DOCK1: variants seen among roughly 807,000 people sequenced by gnomAD.
DOCK1 encodes the protein dedicator of cytokinesis protein 1.
A neutral mutation model predicts 262.7 loss-of-function variants in DOCK1; 138 were observed. The observed-to-expected ratio is 0.53, with a 90% CI of 0.46 to 0.61. The LOEUF (loss-of-function observed/expected upper bound fraction) is 0.61. DOCK1 is among the 20% of genes least tolerant of loss of function. DOCK1 has a pLI of 0.00. For missense variants in DOCK1, 1,908 were observed against 2,370.7 expected (o/e 0.80, Z 4.05); for synonymous variants, 866 against 867.4 (o/e 1.00, Z 0.03).
At chr10:127,250,056 A>C (rs2059572783) in intron 28 of DOCK1, among the ~76,000 whole-genome samples, 1 of 152,052 alleles carries the variant, frequency 6.6e-6, no homozygotes, top group Admixed American at 6.6e-5. Context: ...ACTACACCCG[A>C]CCCCCTGCTT....
At chr10:127,122,645 T>A (rs76320910) in intron 25 of DOCK1, among the ~76,000 whole-genome samples, 2 of 151,232 alleles carry the variant, frequency 1.3e-5, no homozygotes, top group African/African-American at 4.9e-5. Context: ...TTTTTTTTTT[T>A]ACATCTTCTT....
chr10:127,068,955 C>G (rs1295618581), intron 23 of DOCK1, among the ~76,000 whole-genome samples: 5 of 152,174 alleles, frequency 3.3e-5, no homozygotes, highest in African/African-American at 1.2e-4. Context: ...GGGCACATAG[C>G]TGGTTTCTAG....
At chr10:127,080,830 C>T (rs1384615791) in intron 23 of DOCK1, among the ~76,000 whole-genome samples, 1 of 152,080 alleles carries the variant, frequency 6.6e-6, no homozygotes, top group Non-Finnish European at 1.5e-5. Flanking sequence ...TTGTCATAAG[C>T]GAGGGCCGAG....
intron 1 of DOCK1, among the ~76,000 whole-genome samples, chr10:126,967,764 T>A (rs1054484043): frequency 5.9e-5 from 9 of 152,150 alleles, no homozygotes; most frequent in African/African-American, 1.9e-4. Context: ...TGTGATTACA[T>A]TGGGCCCACC....
intron 29 of DOCK1, among the ~76,000 whole-genome samples, chr10:127,262,965 A>G (rs1590188059): frequency 6.6e-6 from 1 of 151,838 alleles, no homozygotes; most frequent in African/African-American, 2.4e-5. Context: ...CCAAAATTTA[A>G]CCCCAGAGCA....
chr10:127,439,269 G>C, intron 49 of DOCK1, 44 bp downstream of exon 49: 1 of 1,567,254 alleles, frequency 6.4e-7, no homozygotes, highest in Non-Finnish European at 8.7e-7. Flanking sequence ...GTAGCTTCAG[G>C]GACCTACCTT....
intron 10 of DOCK1, among the ~76,000 whole-genome samples, chr10:127,004,777 C>G (rs1565053560): frequency 1.2e-4 from 16 of 132,424 alleles, no homozygotes; most frequent in African/African-American, 4.4e-4. Context: ...CCGCCACCCC[C>G]CCGCCCCAAA....
intron 12 of DOCK1, among the ~76,000 whole-genome samples, chr10:127,018,364 T>C (rs1044533688): frequency 5.9e-5 from 9 of 152,200 alleles, no homozygotes; most frequent in Non-Finnish European, 1.2e-4. Flanking sequence ...AGCCACCTCC[T>C]AGAAAAAGGT....
chr10:127,345,726 G>A lies in DOCK1; in HGVS notation c.3224+1980G>A, dbSNP rs565681252. ...GGGCCTGCACAGGTGTCTGTCGCTC[G>A]TCCTGGCTTCCAGCATCAAGAGACA... On this transcript the variant is annotated intron_variant, in intron 31 of 51. Coordinates refer to ENST00000623213, the MANE Select transcript of DOCK1 (RefSeq NM_001290223.2). Among the ~76,000 whole-genome samples, 22 of 152,298 alleles carry A rather than the reference G, an allele frequency of 1.4e-4. 2 individuals are homozygous for A. The South Asian group carries it at 3.3e-3, about 23-fold the overall frequency.
intron 14 of DOCK1, 143 bp from the exon 15 acceptor site, chr10:127,024,542 C>G: frequency 1.5e-6 from 1 of 662,110 alleles, no homozygotes; most frequent in Non-Finnish European, 2.5e-6. Flanking sequence ...TCTGTGCTTC[C>G]CTTGCTGGGA....
At chr10:127,093,085 G>A (rs917707266) in intron 23 of DOCK1, among the ~76,000 whole-genome samples, 24 of 152,110 alleles carry the variant, frequency 1.6e-4, no homozygotes, top group Admixed American at 4.6e-4. Context: ...CTCTTCCAGC[G>A]TCCAGGGCTG....
chr10:127,006,322 G>A (rs1251782534), intron 10 of DOCK1, among the ~76,000 whole-genome samples: 1 of 152,156 alleles, frequency 6.6e-6, no homozygotes, highest in Non-Finnish European at 1.5e-5. Flanking sequence ...CAACGCCACT[G>A]CCTCCTTCCT....
chr10:127,294,389 T>C (rs553030463), intron 29 of DOCK1, among the ~76,000 whole-genome samples: 171 of 151,780 alleles, frequency 1.1e-3, no homozygotes, highest in African/African-American at 4.0e-3. Context: ...TGGTACCATC[T>C]TGGCTCACTG....
chr10:127,357,471 G>T (rs1326861898), intron 32 of DOCK1, among the ~76,000 whole-genome samples: 1 of 152,170 alleles, frequency 6.6e-6, no homozygotes, highest in Non-Finnish European at 1.5e-5. Context: ...CAGAGCACTT[G>T]GTTCTCTTGA....
chr10:127,065,419 G>A (rs978183316), intron 23 of DOCK1, among the ~76,000 whole-genome samples: 28 of 152,120 alleles, frequency 1.8e-4, no homozygotes, highest in Non-Finnish European at 4.1e-4. Context: ...TGTGTCTCGT[G>A]CACATTTTGC....
At chr10:127,194,604 G>A (rs1321195593) in intron 27 of DOCK1, among the ~76,000 whole-genome samples, 2 of 152,148 alleles carry the variant, frequency 1.3e-5, no homozygotes, top group Non-Finnish European at 2.9e-5. Context: ...TCTGGGAATG[G>A]CCCGGGTCTT....
At chr10:126,941,552 C>A (rs978424369) in intron 1 of DOCK1, among the ~76,000 whole-genome samples, 2 of 152,116 alleles carry the variant, frequency 1.3e-5, no homozygotes, top group Non-Finnish European at 2.9e-5. Flanking sequence ...GTCAGGAGAT[C>A]GAGACCATCC....
chr10:127,137,531 T>C, intron 27 of DOCK1: 2 of 276,746 alleles, frequency 7.2e-6, no homozygotes, highest in Non-Finnish European at 1.4e-5. Context: ...AGGTTGATAA[T>C]GTATTACTTG....
chr10:127,065,678 C>T (rs2135868333), intron 23 of DOCK1, among the ~76,000 whole-genome samples: 1 of 152,264 alleles, frequency 6.6e-6, no homozygotes, highest in Admixed American at 6.5e-5. Context: ...CTCAGCAGCC[C>T]TTTCCGCAGC....
Sources: allele counts gnomAD v4.1 joint callset (sites outside exome capture counted in the v4.1 genomes callset), GRCh38; gene constraint gnomAD v4.1.1; transcripts MANE v1.5; gene names NCBI Gene and HGNC (gene_info 2026-07-23, HGNC 2026-07-21).